CHRNA3: variants seen among roughly 807,000 people sequenced by gnomAD.
The protein encoded by CHRNA3 is neuronal acetylcholine receptor subunit alpha-3.
CHRNA3 carries 34 observed loss-of-function variants against 41.9 expected under a neutral mutation model. That is an observed-to-expected ratio of 0.81 (90% confidence interval 0.62 to 1.08). CHRNA3 has a LOEUF of 1.08. CHRNA3 is among the 50% of genes least tolerant of loss of function. The probability of loss-of-function intolerance (pLI) is 0.00; values close to 1 mark genes in which losing one functional copy is unlikely to be tolerated. For synonymous variants in CHRNA3, 281 were observed against 265.2 expected (o/e 1.06, Z -0.58); for missense variants, 542 against 638.3 (o/e 0.85, Z 1.63).
At position 78,617,125 on chromosome 15, in the gene CHRNA3, A is replaced by G. The variant is rs754260072; in HGVS notation, c.276T>C (p.Asn92=). The change falls in exon 4 of 6, where the codon AAT becomes AAC. Residue 92 remains asparagine, a synonymous_variant. Coordinates refer to ENST00000326828, the MANE Select transcript of CHRNA3 (RefSeq NM_000743.5). ...AGGGGTTCCATTTCAGCTTGTAGTC[A>G]TTCCAGATCTCGGGGAAGGAAGCAG... The part of the protein sequence containing the change: ...ETNLWLKQIW[N]DYKLKWNPSD... 3.1e-6 allele frequency: 5 copies of G among 1,609,068 alleles called. No individual in the cohort carries two copies. The highest frequency in any genetic ancestry group is 4.3e-6 in the Non-Finnish European group (5 of 1,175,820).
chr15:78,611,131 C>A (rs1212628113), intron 4 of CHRNA3, among the ~76,000 whole-genome samples: 2 of 152,176 alleles, frequency 1.3e-5, no homozygotes, highest in Non-Finnish European at 2.9e-5. Flanking sequence ...CAGCTGAATT[C>A]TATCAGAGGT....
At position 78,595,953 on chromosome 15, in the gene CHRNA3, T is replaced by C; in HGVS notation, c.*651A>G. The C allele has an allele frequency of 1.3e-6, 1 of 740,800 alleles. No individual in the cohort carries two copies. The highest frequency in any genetic ancestry group is 6.3e-5 in the South Asian group (1 of 15,978). 45.9% of individuals were successfully genotyped at this position (740,800 alleles called of 1,614,324 possible). A position where few individuals can be genotyped will look rare whatever the true frequency, so the allele number is the denominator to read the frequency against. On this transcript the variant is annotated 3_prime_UTR_variant, in exon 6 of 6. Transcript: ENST00000326828. ...TTTGCTGGTGCCTTGACCTTGGACC[T>C]CCCAACCTCCAAAACTGAGAAGTTT...
intron 3 of CHRNA3, 71 bp downstream of exon 3, chr15:78,618,546 T>C: frequency 6.3e-7 from 1 of 1,576,024 alleles, no homozygotes; most frequent in South Asian, 1.1e-5. Flanking sequence ...TTTAGGCCTT[T>C]CTTGGTTCAC....
chr15:78,602,334 C>G, intron 4 of CHRNA3, 70 bp from the exon 5 acceptor site: 1 of 1,481,964 alleles, frequency 6.7e-7, no homozygotes, highest in African/African-American at 1.4e-5. Context: ...GTCATCTCAA[C>G]CAGCTTCTCA....
At chr15:78,618,493 T>C (rs2053498838) in intron 3 of CHRNA3, 124 bp downstream of exon 3, 2 of 1,082,008 alleles carry the variant, frequency 1.8e-6, no homozygotes, top group African/African-American at 3.1e-5. Flanking sequence ...TGCCAGTCAG[T>C]GGACCCCAAT....
At chr15:78,612,206 G>A (rs962885183) in intron 4 of CHRNA3, among the ~76,000 whole-genome samples, 5 of 151,766 alleles carry the variant, frequency 3.3e-5, no homozygotes, top group African/African-American at 1.2e-4. Context: ...CACAGAATTG[G>A]AAAAAACTAC....
At chr15:78,610,973 G>T (rs1028323109) in intron 4 of CHRNA3, among the ~76,000 whole-genome samples, 3 of 152,296 alleles carry the variant, frequency 2.0e-5, no homozygotes. Flanking sequence ...AAATCTAGAA[G>T]AAATGGATAA....
At chr15:78,603,055 C>T (rs923464077) in intron 4 of CHRNA3, among the ~76,000 whole-genome samples, 1 of 152,194 alleles carries the variant, frequency 6.6e-6, no homozygotes, top group Non-Finnish European at 1.5e-5. Flanking sequence ...GACAGAGTCT[C>T]ACTCTGTTGC....
chr15:78,611,655 G>A (rs147094383), intron 4 of CHRNA3, among the ~76,000 whole-genome samples: 759 of 150,984 alleles, frequency 5.0e-3, no homozygotes, highest in African/African-American at 0.018. Flanking sequence ...TTTTGAAAAC[G>A]GGCACAAGAC....
In CHRNA3 at chr15:78,620,753, C is replaced by T. The variant is rs1455407487; in HGVS notation, c.42G>A (p.Pro14=). 3.3e-6 allele frequency: 5 copies of T among 1,498,484 alleles called. No individual in the cohort carries two copies. In the Admixed American group the frequency reaches 6.3e-5, roughly 19 times the overall value. The allele number at this position is 1,498,484 out of a possible 1,614,324, so 92.8% of individuals were successfully genotyped here. ...GPLSLPLALS[P]PRLLLLLLLS... ...GCAGCAGCAGCAGCAGCAGCCGCGG[C>T]GGCGACAGCGCCAGGGGCAGCGAGA... is the stretch of plus-strand genomic sequence containing the variant. The change falls in exon 1 of 6, where the codon CCG becomes CCA. Residue 14 remains proline, a synonymous_variant. Transcript: ENST00000326828.
intron 4 of CHRNA3, among the ~76,000 whole-genome samples, chr15:78,615,527 C>G (rs2053447712): frequency 7.4e-6 from 1 of 134,600 alleles, no homozygotes; most frequent in Non-Finnish European, 1.6e-5. Context: ...AGGGCCAGAT[C>G]AGGGATCCCC....
intron 4 of CHRNA3, among the ~76,000 whole-genome samples, chr15:78,608,192 G>A (rs1312546145): frequency 6.6e-6 from 1 of 152,252 alleles, no homozygotes; most frequent in East Asian, 1.9e-4. Flanking sequence ...AGACTTCCCT[G>A]TCTGACAGCT....
chr15:78,620,474 C>A (rs560219377), intron 1 of CHRNA3, among the ~76,000 whole-genome samples: 1 of 151,350 alleles, frequency 6.6e-6, no homozygotes, highest in South Asian at 2.1e-4. Context: ...CGTACCAGCG[C>A]CCGCTCAGTG....
intron 3 of CHRNA3, chr15:78,618,328 T>C (rs1485884791): frequency 7.7e-6 from 3 of 388,550 alleles, no homozygotes; most frequent in Non-Finnish European, 1.4e-5. Context: ...AGGGCTTCAA[T>C]CTCAGGTTCG....
At chr15:78,608,926 G>A (rs1466426009) in intron 4 of CHRNA3, among the ~76,000 whole-genome samples, 25 of 152,344 alleles carry the variant, frequency 1.6e-4, no homozygotes, top group South Asian at 8.3e-4. Flanking sequence ...GGAGAACTAC[G>A]TGAAGAATGC....
At chr15:78,616,172 G>T (rs965236955) in intron 4 of CHRNA3, among the ~76,000 whole-genome samples, 2 of 151,636 alleles carry the variant, frequency 1.3e-5, no homozygotes, top group African/African-American at 2.4e-5. Context: ...GGCCAACATG[G>T]CAAAACCCCA....
intron 4 of CHRNA3, among the ~76,000 whole-genome samples, chr15:78,615,517 A>C (rs8042059): frequency 0.3 from 45,713 of 151,988 alleles, 8,037 homozygotes; most frequent in East Asian, 0.71. Flanking sequence ...ATGTCAGGGA[A>C]GGGCCAGATC....
chr15:78,620,674 G>C (rs2053535700), intron 1 of CHRNA3, 39 bp downstream of exon 1: 1 of 1,498,496 alleles, frequency 6.7e-7, no homozygotes, highest in African/African-American at 1.5e-5. Context: ...CCCTTCTCGG[G>C]CGCCCGTCCC....
chr15:78,612,169 C>T lies in CHRNA3; in HGVS notation c.377+4855G>A, dbSNP rs866730569. On this transcript the variant is annotated intron_variant, in intron 4 of 5. Coordinates refer to ENST00000326828, the MANE Select transcript of CHRNA3 (RefSeq NM_000743.5). Reference sequence around the variant, plus strand: ...AGGTAATTTATAGATTCAATGCCATCCCCATCAAGCCACCAATGACTTTCT... The same window carrying T: ...AGGTAATTTATAGATTCAATGCCATTCCCATCAAGCCACCAATGACTTTCT... Among the ~76,000 whole-genome samples, 501 of 152,108 alleles carry T rather than the reference C, an allele frequency of 3.3e-3. 1 individual carries two copies. Among genetic ancestry groups the T allele is most frequent in the Non-Finnish European group, 5.2e-3 (352 of 67,970 alleles).
Sources: allele counts gnomAD v4.1 joint callset (sites outside exome capture counted in the v4.1 genomes callset), GRCh38; gene constraint gnomAD v4.1.1; transcripts MANE v1.5; gene names NCBI Gene and HGNC (gene_info 2026-07-23, HGNC 2026-07-21).